Variants in SELE observed in about 807,000 individuals in gnomAD.
The protein encoded by SELE is E-selectin.
SELE carries 52 observed loss-of-function variants against 75.8 expected under a neutral mutation model. The ratio of observed to expected loss-of-function variants is 0.69; its 90% CI spans 0.55 to 0.86. The LOEUF (loss-of-function observed/expected upper bound fraction) is 0.86. SELE is among the 40% of genes least tolerant of loss of function. The pLI is 0.00. For missense variants in SELE, 754 were observed against 732.7 expected, an observed-to-expected ratio of 1.03 and a Z score of -0.34; for synonymous variants, 285 against 258.7, an observed-to-expected ratio of 1.10 and a Z score of -0.98.
At chr1:169,733,089 A>T in intron 2 of SELE, 91 bp from the exon 3 acceptor site, 1 of 1,326,250 alleles carries the variant, frequency 7.5e-7, no homozygotes, top group Non-Finnish European at 1.0e-6. Flanking sequence ...TATTTTTGGC[A>T]ATGTTTGTGA....
Position 169,732,760 on chromosome 1 carries a change from T to C in SELE, c.276A>G (p.Glu92=), listed in dbSNP as rs1800016. 148,592 of 1,613,966 alleles carry C rather than the reference T, an allele frequency of 0.092. 7,442 individuals are homozygous for C. Among genetic ancestry groups the C allele is most frequent in the Middle Eastern group, 0.11 (692 of 6,056 alleles). Residue 92 remains glutamate (E), a synonymous_variant, in exon 3 of 14, where the codon GAA becomes GAG. Coordinates refer to ENST00000333360, the MANE Select transcript of SELE (RefSeq NM_000450.2). ...CACCTGGAGCCCAGTTCTTGGCTTC[T>C]TCTGTCAGAGGTTTCTGGGTTCCTA... ...VWVGTQKPLT[E]EAKNWAPGEP...
intron 3 of SELE, 28 bp from the exon 4 acceptor site, chr1:169,731,970 A>T (rs756422545): frequency 1.5e-5 from 21 of 1,448,048 alleles, no homozygotes; most frequent in Non-Finnish European, 2.0e-5. Context: ...CATGATGAGG[A>T]GGACTATTAC....
intron 2 of SELE, 24 bp from the exon 3 acceptor site, chr1:169,733,022 A>C: frequency 6.5e-7 from 1 of 1,533,514 alleles, no homozygotes; most frequent in Non-Finnish European, 8.7e-7. Context: ...AAGAAAAGAA[A>C]TGGTAGAGTT....
Position 169,729,218 on chromosome 1 carries a change from C to T in SELE, c.1058G>A (p.Gly353Glu). The part of the protein sequence containing the change: ...GPAQVECTTQ[G>E]QWTQQIPVCE... ...AACTGGGATTTGCTGTGTCCACTGCCCTTGAGTGGTGCATTCAACCTGGGC... is the reference window on the plus strand; with the variant it reads ...AACTGGGATTTGCTGTGTCCACTGCTCTTGAGTGGTGCATTCAACCTGGGC... The change falls in exon 7 of 14, where the codon GGG becomes GAG. Residue 353 changes from glycine to glutamate, a missense_variant. Coordinates refer to ENST00000333360, the MANE Select transcript of SELE (RefSeq NM_000450.2). 6.2e-7 allele frequency: 1 copy of T among 1,613,672 alleles called. No homozygotes were observed.
At chr1:169,728,594 A>G (rs1648834471) in intron 7 of SELE, among the ~76,000 whole-genome samples, 2 of 152,360 alleles carry the variant, frequency 1.3e-5, no homozygotes, top group Admixed American at 6.5e-5. Context: ...AAGCACCCCT[A>G]TAAAATTTGT....
rs983777171 is a variant in SELE, at chr1:169,727,202, T to C, written c.1645+147A>G. On this transcript the variant is annotated intron_variant, in intron 10 of 13. Coordinates refer to ENST00000333360, the MANE Select transcript of SELE (RefSeq NM_000450.2). ...ATCAACATGCAACTTCTGTTTTTTC[T>C]CTATCCCCATACAACTTAATATTCA... 6 of 783,480 alleles carry C rather than the reference T, an allele frequency of 7.7e-6. No homozygotes were observed. The East Asian group carries it at 8.3e-5, about 11-fold the overall frequency. The allele number at this position is 783,480 out of a possible 1,614,324, so 48.5% of individuals were successfully genotyped here.
At chr1:169,725,682 T>C (rs1036322712) in intron 13 of SELE, 47 bp downstream of exon 13, 15 of 1,476,362 alleles carry the variant, frequency 1.0e-5, no homozygotes, top group Non-Finnish European at 1.3e-5. Context: ...ACAGAGCATG[T>C]AGAGAAGATA....
intron 2 of SELE, 113 bp downstream of exon 2, chr1:169,733,463 A>C (rs1648969869): frequency 9.3e-7 from 1 of 1,070,846 alleles, no homozygotes; most frequent in African/African-American, 1.6e-5. Context: ...GGTAGAGGTC[A>C]AGGATGCTGC....
At chr1:169,726,347 A>G (rs1435606547) in intron 11 of SELE, among the ~76,000 whole-genome samples, 1 of 152,228 alleles carries the variant, frequency 6.6e-6, no homozygotes, top group Non-Finnish European at 1.5e-5. Flanking sequence ...AGACTCTCAA[A>G]TTTAAGCCTG....
At chr1:169,733,813 A>G (rs1461352320) in intron 1 of SELE, among the ~76,000 whole-genome samples, 153 bp from the exon 2 acceptor site, 1 of 152,246 alleles carries the variant, frequency 6.6e-6, no homozygotes, top group East Asian at 1.9e-4. Context: ...AAATAAATAA[A>G]CAAATTTTAA....
Position 169,731,829 on chromosome 1 carries a change from AC to A in SELE, c.529+5del. 6.3e-7 allele frequency: 1 copy of A among 1,598,854 alleles called. No individual in the cohort carries two copies. Among genetic ancestry groups the A allele is most frequent in the Admixed American group, 1.7e-5 (1 of 59,974 alleles). ...AAGTGAAGAAAGAGGCAAGAACCAG[AC>A]TTACTTTGCTCACACTTGAGTCCAC... On this transcript the variant is annotated splice_donor_5th_base_variant and intron_variant, in intron 4 of 13. Transcript: ENST00000333360.
chr1:169,730,321 A>G lies in SELE; in HGVS notation c.715+111T>C. 2.9e-6 allele frequency: 3 copies of G among 1,047,648 alleles called. No homozygotes were observed. The South Asian group carries it at 5.7e-5, about 20-fold the overall frequency. 64.9% of individuals were successfully genotyped at this position (1,047,648 alleles called of 1,614,324 possible). A position where few individuals can be genotyped will look rare whatever the true frequency, so the allele number is the denominator to read the frequency against. On this transcript the variant is annotated intron_variant, in intron 5 of 13. Coordinates refer to ENST00000333360, the MANE Select transcript of SELE (RefSeq NM_000450.2). ...GAGAGAACAAATTGTATTAAAAACAAAAACAAAAAAAAAACTTTCCCTGAA... is the reference window on the plus strand; with the variant it reads ...GAGAGAACAAATTGTATTAAAAACAGAAACAAAAAAAAAACTTTCCCTGAA...
rs1362388625 is a variant in SELE, at chr1:169,729,661, T to A, written c.728A>T (p.Asp243Val). 1 of 1,614,092 alleles carries A rather than the reference T, an allele frequency of 6.2e-7. No homozygotes were observed. The highest frequency in any genetic ancestry group is 1.7e-5 in the Admixed American group (1 of 60,022). ...PIPACNVVECDAVTNPANGFV... is the reference protein window; with the variant it reads ...PIPACNVVECVAVTNPANGFV... ...CCCATTGGCTGGATTTGTCACAGCA[T>A]CACACTCAACCACTGAGGATTTTAA... Residue 243 changes from aspartate to valine, a missense_variant, in exon 6 of 14, where the codon GAT (aspartate) becomes GTT (valine). Physicochemically the swap from Asp to Val is radical, Grantham distance 152. Transcript: ENST00000333360.
intron 11 of SELE, 147 bp from the exon 12 acceptor site, chr1:169,726,075 T>A (rs1648755853): frequency 2.1e-6 from 2 of 941,038 alleles, no homozygotes; most frequent in Non-Finnish European, 3.3e-6. Flanking sequence ...CAAGCATGGC[T>A]CTGTGGCATC....
chr1:169,730,514 A>T lies in SELE; in HGVS notation c.633T>A (p.Asp211Glu). 1 of 1,614,090 alleles carries T rather than the reference A, an allele frequency of 6.2e-7. No homozygotes were observed. Among genetic ancestry groups the T allele is most frequent in the African/African-American group, 1.3e-5 (1 of 75,020 alleles). The change falls in exon 5 of 14, where the codon GAT (aspartate) becomes GAA (glutamate). Residue 211 changes from aspartate (D) to glutamate (E), a missense_variant. Coordinates refer to ENST00000333360, the MANE Select transcript of SELE (RefSeq NM_000450.2). ...CCATGCTGCTTGGCAGGTAACCCCT[A>T]TCACAGCTGATAGAGCAGGAAGAAT... ...SYNSSCSISC[D>E]RGYLPSSMET...
intron 12 of SELE, 26 bp downstream of exon 12, chr1:169,725,881 A>G (rs757271268): frequency 9.3e-6 from 15 of 1,613,942 alleles, no homozygotes; most frequent in Middle Eastern, 1.6e-4. Flanking sequence ...GTTCAATGGC[A>G]TGCTTTGTAT....
At chr1:169,733,889 A>G (rs539483878) in intron 1 of SELE, 82 bp downstream of exon 1, 20 of 466,718 alleles carry the variant, frequency 4.3e-5, no homozygotes, top group Non-Finnish European at 6.9e-5. Context: ...GAGCTTGTAC[A>G]GATGTGGTTT....
rs777439294 is a variant in SELE at position 169,727,475 on chromosome 1, T to G, written c.1519A>C (p.Ser507Arg). The stretch of plus-strand genomic sequence containing the variant: ...ACAGTGCCAAACACGGGCTCCCCAC[T>G]GCAGCTCATGTTGATCTTTCCCGGA... ...AVPGKINMSC[S>R]GEPVFGTVCK... The change falls in exon 10 of 14, where the codon AGT becomes CGT. Residue 507 changes from serine (S) to arginine (R), a missense_variant. Coordinates refer to ENST00000333360, the MANE Select transcript of SELE (RefSeq NM_000450.2). The G allele has an allele frequency of 2.5e-6, 4 of 1,614,062 alleles. No homozygotes were observed. In the African/African-American group the frequency reaches 4.0e-5, roughly 16 times the overall value.
chr1:169,732,573 A>G (rs749122185), intron 3 of SELE, 42 bp downstream of exon 3: 133 of 1,519,688 alleles, frequency 8.8e-5, no homozygotes, highest in Non-Finnish European at 1.1e-4. Context: ...CAAGATGCCC[A>G]CACACTGAAA....
Sources: allele counts gnomAD v4.1 joint callset (sites outside exome capture counted in the v4.1 genomes callset), GRCh38; gene constraint gnomAD v4.1.1; transcripts MANE v1.5; gene names NCBI Gene and HGNC (gene_info 2026-07-23, HGNC 2026-07-21).